Variants in REG4 observed in about 807,000 individuals in gnomAD.
REG4 encodes regenerating family member 4, also known as regenerating islet-derived protein 4.
Under a neutral mutation model 22.3 loss-of-function variants are expected in REG4, and 16 were observed. The observed-to-expected ratio is 0.72, with a 90% CI of 0.49 to 1.09. The LOEUF (loss-of-function observed/expected upper bound fraction) is 1.09. Among genes scored for constraint, REG4 ranks in the 50% least tolerant of loss-of-function variants. The pLI, the probability that REG4 is intolerant of heterozygous loss-of-function variation, is 0.00. For synonymous variants in REG4, 71 were observed against 69.2 expected, an observed-to-expected ratio of 1.03 and a Z score of -0.13; for missense variants, 214 against 193.9, an observed-to-expected ratio of 1.10 and a Z score of -0.61.
chr1:119,794,821 G>A, intron 5 of REG4, 136 bp from the exon 6 acceptor site: 3 of 766,648 alleles, frequency 3.9e-6, no homozygotes, highest in Non-Finnish European at 4.6e-6. Flanking sequence ...GCTAGACTAT[G>A]ATGTACAGTT....
chr1:119,807,120 C>A (rs1266983902), intron 2 of REG4, among the ~76,000 whole-genome samples: 2 of 152,180 alleles, frequency 1.3e-5, no homozygotes, highest in African/African-American at 4.8e-5. Flanking sequence ...CTCACTGAAT[C>A]AATGCCATGA....
At chr1:119,807,610 G>A (rs1270331711) in intron 2 of REG4, among the ~76,000 whole-genome samples, 1 of 150,330 alleles carries the variant, frequency 6.7e-6, no homozygotes, top group Non-Finnish European at 1.5e-5. Flanking sequence ...GGGCTCAAGA[G>A]CAGCCCCCCA....
intron 2 of REG4, among the ~76,000 whole-genome samples, chr1:119,803,807 A>C (rs1467312055): frequency 6.6e-6 from 1 of 152,180 alleles, no homozygotes. Flanking sequence ...ACTTGAGCAT[A>C]GGTGGGCTAT....
chr1:119,802,894 T>G (rs1654160006), intron 3 of REG4, 174 bp downstream of exon 3: 1 of 1,554,486 alleles, frequency 6.4e-7, no homozygotes, highest in East Asian at 2.4e-5. Context: ...CAGCAATGCT[T>G]ACAGAATTGA....
At chr1:119,798,370 T>C in intron 5 of REG4, 127 bp downstream of exon 5, 1 of 724,316 alleles carries the variant, frequency 1.4e-6, no homozygotes, top group Non-Finnish European at 2.5e-6. Context: ...ACTGCCTTGC[T>C]GGAGAAAAGA....
intron 5 of REG4, among the ~76,000 whole-genome samples, chr1:119,795,059 G>C (rs1223128467): frequency 6.6e-6 from 1 of 152,174 alleles, no homozygotes; most frequent in Non-Finnish European, 1.5e-5. Context: ...CTGCTGGCCT[G>C]TCCTGCGGTT....
intron 2 of REG4, among the ~76,000 whole-genome samples, chr1:119,805,842 C>T (rs775045014): frequency 5.9e-5 from 9 of 152,156 alleles, no homozygotes; most frequent in Non-Finnish European, 1.3e-4. Flanking sequence ...CCCCTCCCCT[C>T]TGCCCCACAC....
At chr1:119,804,513 C>T (rs947269) in intron 2 of REG4, among the ~76,000 whole-genome samples, 77,917 of 152,080 alleles carry the variant, frequency 0.51, 23,269 homozygotes, top group Non-Finnish European at 0.66. Context: ...AACCTAACTA[C>T]GGCAAGGCAG....
At position 119,797,519 on chromosome 1, in the gene REG4, C is replaced by G. The variant is rs1470868133; in HGVS notation, c.409+978G>C. Among the ~76,000 whole-genome samples the G allele has an allele frequency of 2.0e-5, 3 of 152,196 alleles. No individual in the cohort carries two copies. The East Asian group carries it at 5.8e-4, about 29-fold the overall frequency. ...GACCAAGTCCCTCCCTACCCCAGCCCAATAGCTGAGACCTCAGCCCAGGCC... is the reference window on the plus strand; with the variant it reads ...GACCAAGTCCCTCCCTACCCCAGCCGAATAGCTGAGACCTCAGCCCAGGCC... On this transcript the variant is annotated intron_variant, in intron 5 of 5. Transcript: ENST00000256585.
intron 3 of REG4, chr1:119,801,319 A>G (rs892138492): frequency 6.6e-6 from 1 of 152,230 alleles, no homozygotes; most frequent in African/African-American, 2.4e-5. Context: ...CCAAGATTAG[A>G]TGTGATTACT....
intron 5 of REG4, among the ~76,000 whole-genome samples, chr1:119,797,275 AT>A (rs1557759629): frequency 1.3e-5 from 2 of 152,016 alleles, no homozygotes; most frequent in Non-Finnish European, 2.9e-5. Flanking sequence ...TGTTTTTTCC[AT>A]TTGAGCCAAC....
intron 2 of REG4, among the ~76,000 whole-genome samples, chr1:119,805,869 G>A (rs1654297805): frequency 6.6e-6 from 1 of 151,852 alleles, no homozygotes; most frequent in South Asian, 2.1e-4. Context: ...AGTTGCGGCT[G>A]TGGCCGTGAG....
chr1:119,802,418 C>T, intron 3 of REG4: 4 of 991,560 alleles, frequency 4.0e-6, no homozygotes, highest in Non-Finnish European at 4.8e-6. Context: ...TAGTTTTATA[C>T]AGGGATTGTA....
At chr1:119,796,753 C>A (rs1376128623) in intron 5 of REG4, among the ~76,000 whole-genome samples, 2 of 152,154 alleles carry the variant, frequency 1.3e-5, no homozygotes, top group Non-Finnish European at 2.9e-5. Context: ...AGGAAAGGAA[C>A]CCAAAGACGT....
chr1:119,797,855 A>T (rs1653978145), intron 5 of REG4, among the ~76,000 whole-genome samples: 1 of 152,182 alleles, frequency 6.6e-6, no homozygotes, highest in Non-Finnish European at 1.5e-5. Context: ...TGCAATGTAC[A>T]GGATAGCCCC....
intron 2 of REG4, among the ~76,000 whole-genome samples, chr1:119,803,952 G>A (rs970326817): frequency 6.6e-6 from 1 of 152,188 alleles, no homozygotes; most frequent in Non-Finnish European, 1.5e-5. Flanking sequence ...ATAGGAAAGA[G>A]CCAGGGCCTA....
Position 119,794,226 on chromosome 1 carries a change from G to A in REG4, c.*392C>T. 1.9e-6 allele frequency: 1 copy of A among 540,138 alleles called. No individual in the cohort carries two copies. 33.5% of individuals were successfully genotyped at this position (540,138 alleles called of 1,614,324 possible). On this transcript the variant is annotated 3_prime_UTR_variant, in exon 6 of 6. Transcript: ENST00000256585. ...GGTGGGGTGCAGGCAATGGAGAGAG[G>A]GCAGAAGGGTGTAGAAGCTGAAGGG... is the stretch of plus-strand genomic sequence containing the variant.
intron 2 of REG4, among the ~76,000 whole-genome samples, chr1:119,804,766 G>A (rs1293676457): frequency 6.6e-6 from 1 of 151,854 alleles, no homozygotes. Flanking sequence ...CTACATCTCG[G>A]TCTCTTTTGT....
At chr1:119,806,640 T>C (rs1226767158) in intron 2 of REG4, among the ~76,000 whole-genome samples, 6 of 152,126 alleles carry the variant, frequency 3.9e-5, no homozygotes, top group Non-Finnish European at 8.8e-5. Flanking sequence ...GTTACCCAGA[T>C]GGGGAGTGTG....
Sources: gnomAD v4.1 joint callset for allele counts (sites outside exome capture counted in the v4.1 genomes callset) on GRCh38, gnomAD v4.1.1 for gene constraint, MANE v1.5 for transcripts, NCBI Gene and HGNC (gene_info 2026-07-23, HGNC 2026-07-21) for gene names.